KCNC2: variants seen among roughly 807,000 people sequenced by gnomAD.
KCNC2 encodes potassium voltage-gated channel subfamily C member 2.
KCNC2 carries 21 observed loss-of-function variants against 44.5 expected under a neutral mutation model. The observed-to-expected ratio is 0.47, with a 90% CI of 0.33 to 0.68. KCNC2 has a LOEUF of 0.68. Ranked by LOEUF, KCNC2 falls within the 30% of genes least tolerant of loss-of-function variation. The probability of loss-of-function intolerance (pLI) is 0.01; values close to 1 mark genes in which losing one functional copy is unlikely to be tolerated. For missense variants in KCNC2, 589 were observed against 826.2 expected (o/e 0.71, Z 3.52); for synonymous variants, 391 against 339.1 (o/e 1.15, Z -1.68).
intron 2 of KCNC2, among the ~76,000 whole-genome samples, chr12:75,167,010 A>G (rs988799716): frequency 3.3e-5 from 5 of 151,264 alleles, no homozygotes; most frequent in African/African-American, 1.2e-4. Flanking sequence ...AGTTTTTTCA[A>G]AAGATTAACA....
At position 75,094,271 on chromosome 12, in the gene KCNC2, C is replaced by G. The variant is rs182454670; in HGVS notation, c.688-42954G>C. On this transcript the variant is annotated intron_variant, in intron 2 of 4. Coordinates refer to ENST00000549446, the MANE Select transcript of KCNC2 (RefSeq NM_139137.4). Reference sequence around the variant, plus strand: ...AAGTCACCTGCTGCCCATACACTAACATCAAGTATTTCATCAGCTAATATT... The same window carrying G: ...AAGTCACCTGCTGCCCATACACTAAGATCAAGTATTTCATCAGCTAATATT... Among the ~76,000 whole-genome samples the G allele has an allele frequency of 2.0e-5, 3 of 151,766 alleles. No homozygotes were observed. In the East Asian group the frequency reaches 5.8e-4, roughly 29 times the overall value.
intron 2 of KCNC2, among the ~76,000 whole-genome samples, chr12:75,183,850 G>C (rs1892760280): frequency 6.6e-6 from 1 of 152,090 alleles, no homozygotes. Context: ...GGCTCACCGG[G>C]TCCTCCACAA....
In KCNC2 at chr12:75,207,772, G is replaced by A. The variant is rs1440671545; in HGVS notation, c.212C>T (p.Ser71Phe). Residue 71 changes from serine (S) to phenylalanine (F), a missense_variant, in exon 2 of 5, where the codon TCC (serine) becomes TTC (phenylalanine). Around this residue, in one of 7 missense-constraint regions of KCNC2, gnomAD observed 148 missense variants for 140.1 expected, o/e 1.06. Transcript: ENST00000549446. The surrounding 1 kb of genome is among the most constrained non-coding windows in gnomAD (Gnocchi z 4.1). ...CTCGAAGCAGCCGCCTGGCCCGGGG[G>A]ACAGCGGGGGCGCTCTCGGCGGCGG... ...LSPPPRAPPL[S>F]PGPGGCFEGG... 1 of 1,578,624 alleles carries A rather than the reference G, an allele frequency of 6.3e-7. No individual in the cohort carries two copies. Among genetic ancestry groups the A allele is most frequent in the Non-Finnish European group, 8.6e-7 (1 of 1,163,344 alleles).
intron 2 of KCNC2, among the ~76,000 whole-genome samples, chr12:75,077,372 A>C (rs957542679): frequency 6.6e-6 from 1 of 152,212 alleles, no homozygotes; most frequent in South Asian, 2.1e-4. Flanking sequence ...TGAATGACTC[A>C]TACAATAATT....
intron 2 of KCNC2, among the ~76,000 whole-genome samples, chr12:75,116,558 C>T (rs780576940): frequency 6.6e-6 from 1 of 151,960 alleles, no homozygotes; most frequent in Non-Finnish European, 1.5e-5. Flanking sequence ...GAGGAAGATA[C>T]TATAATAGCA....
intron 2 of KCNC2, among the ~76,000 whole-genome samples, chr12:75,095,680 G>T (rs1198056425): frequency 1.3e-5 from 2 of 151,810 alleles, no homozygotes; most frequent in African/African-American, 2.4e-5. Flanking sequence ...GTCTCTTCTT[G>T]TTAAATTGGG....
intron 2 of KCNC2, among the ~76,000 whole-genome samples, chr12:75,102,458 A>C (rs1231413848): frequency 2.0e-5 from 3 of 152,054 alleles, no homozygotes; most frequent in African/African-American, 7.2e-5. Flanking sequence ...ATTATTATCC[A>C]GGAAGAAACC....
At chr12:75,162,755 G>T (rs1020751464) in intron 2 of KCNC2, among the ~76,000 whole-genome samples, 12 of 151,700 alleles carry the variant, frequency 7.9e-5, no homozygotes, top group Non-Finnish European at 3.0e-5. Flanking sequence ...CTTTCTTGTG[G>T]TTGTATTCTT....
chr12:75,126,578 G>T (rs760284249), intron 2 of KCNC2, among the ~76,000 whole-genome samples: 15 of 152,118 alleles, frequency 9.9e-5, no homozygotes, highest in Non-Finnish European at 2.1e-4. Context: ...GGGGGAGAAT[G>T]TTCCAGGCAC....
chr12:75,051,428 T>G (rs1340646949), intron 2 of KCNC2, 111 bp from the exon 3 acceptor site: 1 of 661,684 alleles, frequency 1.5e-6, no homozygotes, highest in Non-Finnish European at 2.5e-6. Flanking sequence ...ACAGCATATT[T>G]AGAGGTTTCA....
Position 75,084,483 on chromosome 12 carries a change from T to C in KCNC2, c.688-33166A>G, listed in dbSNP as rs80308055. Among the ~76,000 whole-genome samples the C allele has an allele frequency of 4.0e-3, 607 of 152,042 alleles. 4 individuals are homozygous for C. The highest frequency in any genetic ancestry group is 0.012 in the African/African-American group (518 of 41,494). ...AGTCTTTCTGGTGCTATTCTCGTGA[T>C]AGTGAATAAGTCTCATGAGATCTGA... is the stretch of plus-strand genomic sequence containing the variant. On this transcript the variant is annotated intron_variant, in intron 2 of 4. Coordinates refer to ENST00000549446, the MANE Select transcript of KCNC2 (RefSeq NM_139137.4).
intron 2 of KCNC2, among the ~76,000 whole-genome samples, chr12:75,191,242 A>G (rs1057428432): frequency 1.3e-5 from 2 of 151,836 alleles, no homozygotes; most frequent in Non-Finnish European, 2.9e-5. Context: ...GTGAAGGTTA[A>G]ATTTAAAAAA....
Position 75,089,701 on chromosome 12 carries a change from G to A in KCNC2, c.688-38384C>T, listed in dbSNP as rs1032287991. On this transcript the variant is annotated intron_variant, in intron 2 of 4. Transcript: ENST00000549446. ...CAAATGGAATTATGGTCTCCAAACT[G>A]CTAATAATGTGTTGTTTCAGATTAA... Among the ~76,000 whole-genome samples, 17 of 151,898 alleles carry A rather than the reference G, an allele frequency of 1.1e-4. 1 individual carries two copies. Among genetic ancestry groups the A allele is most frequent in the Admixed American group, 5.9e-4 (9 of 15,212 alleles).
chr12:75,113,675 A>T (rs991259829), intron 2 of KCNC2, among the ~76,000 whole-genome samples: 19 of 152,168 alleles, frequency 1.2e-4, no homozygotes, highest in Non-Finnish European at 2.4e-4. Context: ...TGCCCACTAT[A>T]AGAAACTGTC....
intron 2 of KCNC2, among the ~76,000 whole-genome samples, chr12:75,159,726 A>C (rs1224302420): frequency 6.6e-6 from 1 of 151,878 alleles, no homozygotes; most frequent in Non-Finnish European, 1.5e-5. Flanking sequence ...CAGGTGTTCA[A>C]ACCACCATTT....
At chr12:75,128,448 C>T (rs1479656781) in intron 2 of KCNC2, among the ~76,000 whole-genome samples, 2 of 152,118 alleles carry the variant, frequency 1.3e-5, no homozygotes, top group Non-Finnish European at 2.9e-5. Flanking sequence ...GAATTAAAGT[C>T]ATAGTTTTAA....
intron 2 of KCNC2, among the ~76,000 whole-genome samples, chr12:75,059,638 G>C (rs1402928076): frequency 6.6e-6 from 1 of 151,912 alleles, no homozygotes; most frequent in Non-Finnish European, 1.5e-5. Context: ...AGGAAAATAG[G>C]TGTCTCCTAG....
In KCNC2 at chr12:75,207,269, G is replaced by A. The variant is rs796927268; in HGVS notation, c.687+28C>T. 1.3e-6 allele frequency: 2 copies of A among 1,514,028 alleles called. No individual in the cohort carries two copies. Among genetic ancestry groups the A allele is most frequent in the East Asian group, 4.9e-5 (2 of 40,650 alleles). The allele number at this position is 1,514,028 out of a possible 1,614,324, so 93.8% of individuals were successfully genotyped here. On this transcript the variant is annotated intron_variant, in intron 2 of 4. Coordinates refer to ENST00000549446, the MANE Select transcript of KCNC2 (RefSeq NM_139137.4). This position sits in a 1 kb window ranked among gnomAD's most constrained non-coding sequence, Gnocchi z 4.1. ...GAGGGAGTTGGGAGAAGTTGAAGCA[G>A]CAGGGAAGGGGTCGATTCTGGCCTT...
chr12:75,196,635 C>G (rs2030791808), intron 2 of KCNC2, among the ~76,000 whole-genome samples: 1 of 151,948 alleles, frequency 6.6e-6, no homozygotes, highest in South Asian at 2.1e-4. Context: ...TTAGAGAATT[C>G]CCTGAAGAAA....
Sources: gnomAD v4.1 joint callset for allele counts (sites outside exome capture counted in the v4.1 genomes callset) on GRCh38, gnomAD v4.1.1 for gene constraint, gnomAD v4.1.1 regional missense constraint, Gnocchi (gnomAD v3.1) non-coding constraint, MANE v1.5 for transcripts, NCBI Gene and HGNC (gene_info 2026-07-23, HGNC 2026-07-21) for gene names.